Variants in BCAT1 observed in about 807,000 individuals in gnomAD.
BCAT1 encodes the protein branched-chain-amino-acid aminotransferase, cytosolic.
In BCAT1, 48 loss-of-function variants were observed where a neutral mutation model predicts 52.4. The ratio of observed to expected loss-of-function variants is 0.92; its 90% CI spans 0.73 to 1.16. The LOEUF (loss-of-function observed/expected upper bound fraction) is 1.16. Ranked by LOEUF, BCAT1 falls within the 50% of genes most tolerant of loss-of-function variation. The pLI is 0.00. For missense variants in BCAT1, 451 were observed against 457.1 expected (o/e 0.99, Z 0.12); for synonymous variants, 167 against 161.3 (o/e 1.04, Z -0.27).
chr12:24,843,827 C>A (rs1941251326), intron 6 of BCAT1, among the ~76,000 whole-genome samples: 1 of 152,130 alleles, frequency 6.6e-6, no homozygotes. Context: ...AAGACAGTCA[C>A]ATGATTCCTT....
intron 1 of BCAT1, among the ~76,000 whole-genome samples, chr12:24,926,131 G>A (rs547524031): frequency 2.2e-4 from 33 of 150,774 alleles, no homozygotes; most frequent in South Asian, 1.3e-3. Context: ...CTGCCATCCC[G>A]TCTAGGAAGT....
At chr12:24,937,418 G>A (rs899946792) in intron 1 of BCAT1, among the ~76,000 whole-genome samples, 4 of 152,232 alleles carry the variant, frequency 2.6e-5, no homozygotes, top group Non-Finnish European at 5.9e-5. Context: ...AACTTCTGGA[G>A]CATGGTGGGG....
At chr12:24,848,931 G>A (rs1319363481) in intron 6 of BCAT1, among the ~76,000 whole-genome samples, 2 of 152,186 alleles carry the variant, frequency 1.3e-5, no homozygotes, top group East Asian at 3.9e-4. Context: ...CAAGACTACA[G>A]AGGGGTCAAA....
At chr12:24,837,035 A>G (rs1211682111) in intron 7 of BCAT1, among the ~76,000 whole-genome samples, 1 of 143,582 alleles carries the variant, frequency 7.0e-6, no homozygotes, top group African/African-American at 2.6e-5. Context: ...AAAGAAAGAA[A>G]GAAAAAAGAA....
At chr12:24,904,937 T>C (rs1225469743) in intron 1 of BCAT1, among the ~76,000 whole-genome samples, 1 of 152,232 alleles carries the variant, frequency 6.6e-6, no homozygotes, top group African/African-American at 2.4e-5. Flanking sequence ...ATGGATTGTA[T>C]TGACTCAGAA....
intron 1 of BCAT1, chr12:24,902,118 C>T (rs1806017670): frequency 1.4e-6 from 2 of 1,463,064 alleles, no homozygotes; most frequent in Non-Finnish European, 1.8e-6. Flanking sequence ...TTGTCCTCCT[C>T]CGCCGGCTCA....
At chr12:24,861,542 C>A (rs1394035336) in intron 5 of BCAT1, among the ~76,000 whole-genome samples, 2 of 152,246 alleles carry the variant, frequency 1.3e-5, no homozygotes, top group African/African-American at 2.4e-5. Context: ...TGCTTTCTCA[C>A]TGAGCTCCTC....
Position 24,912,178 on chromosome 12 carries a change from C to A in BCAT1, c.7-10293G>T, listed in dbSNP as rs567024897. Among the ~76,000 whole-genome samples the A allele has an allele frequency of 5.3e-5, 8 of 152,160 alleles. No homozygotes were observed. In the South Asian group the frequency reaches 1.7e-3, roughly 32 times the overall value. On this transcript the variant is annotated intron_variant, in intron 1 of 10. Transcript: ENST00000261192. ...TATAGTAGAATCCACAACATATGCT[C>A]ACGAAAATAAACCAGTTCTAGTAAA...
In BCAT1 at chr12:24,911,099, TA is replaced by T. The variant is rs752444346; in HGVS notation, c.7-9215del. Among the ~76,000 whole-genome samples, 567 of 140,454 alleles carry T rather than the reference TA, an allele frequency of 4.0e-3. 2 individuals are homozygous for T. Among genetic ancestry groups the T allele is most frequent in the African/African-American group, 8.0e-3 (308 of 38,414 alleles). 92.1% of individuals were successfully genotyped at this position (140,454 alleles called of 152,430 possible). A position where few individuals can be genotyped will look rare whatever the true frequency, so the allele number is the denominator to read the frequency against. ...GCCTGGTGACAGAGTGAGACTGTCTTAAAAAAAAAAAAAAATTGAAAAAATA... is the reference window on the plus strand; with the variant it reads ...GCCTGGTGACAGAGTGAGACTGTCTTAAAAAAAAAAAAAATTGAAAAAATA... On this transcript the variant is annotated intron_variant, in intron 1 of 10. Transcript: ENST00000261192.
chr12:24,894,553 A>G (rs1942917501), intron 2 of BCAT1, 78 bp from the exon 3 acceptor site: 1 of 1,214,192 alleles, frequency 8.2e-7, no homozygotes, highest in Non-Finnish European at 1.1e-6. Context: ...GGGGAAAAAA[A>G]AAAAGGAAAT....
intron 2 of BCAT1, among the ~76,000 whole-genome samples, chr12:24,897,740 G>A (rs1942992483): frequency 6.6e-6 from 1 of 152,158 alleles, no homozygotes; most frequent in South Asian, 2.1e-4. Flanking sequence ...TTTTGGTAGA[G>A]ATGGGGTTTC....
intron 8 of BCAT1, among the ~76,000 whole-genome samples, chr12:24,835,650 T>C (rs1015520955): frequency 2.0e-5 from 3 of 152,010 alleles, no homozygotes; most frequent in African/African-American, 7.2e-5. Flanking sequence ...TGCAGTGGCT[T>C]GATCATAGCT....
intron 1 of BCAT1, among the ~76,000 whole-genome samples, chr12:24,939,028 C>T (rs564856680): frequency 1.1e-3 from 163 of 152,234 alleles, no homozygotes; most frequent in African/African-American, 3.7e-3. Context: ...TGCATGCCAC[C>T]ACACCCAGCT....
chr12:24,859,699 T>A (rs1392756256), intron 5 of BCAT1, among the ~76,000 whole-genome samples: 1 of 151,984 alleles, frequency 6.6e-6, no homozygotes, highest in East Asian at 1.9e-4. Flanking sequence ...GACTTTACAG[T>A]GACCTGGGAT....
rs777323472 is a variant in BCAT1 at position 24,812,745 on chromosome 12, C to T, written c.*5263G>A. The stretch of plus-strand genomic sequence containing the variant: ...CCACTTATTCTTCCTCTGATATCAT[C>T]TTTCATTAAATTTTTCTCCAGAATC... On this transcript the variant is annotated 3_prime_UTR_variant, in exon 11 of 11. Transcript: ENST00000261192. The T allele has an allele frequency of 2.6e-5, 4 of 151,976 alleles. No individual in the cohort carries two copies. The highest frequency in any genetic ancestry group is 5.9e-5 in the Non-Finnish European group (4 of 67,878). 9.4% of individuals were successfully genotyped at this position (151,976 alleles called of 1,614,324 possible).
chr12:24,828,486 T>C (rs1000702576), intron 10 of BCAT1, among the ~76,000 whole-genome samples: 5 of 152,182 alleles, frequency 3.3e-5, no homozygotes, highest in South Asian at 2.1e-4. Flanking sequence ...GAGGATGTAC[T>C]GTCCATACTA....
In BCAT1 at chr12:24,817,900, A is replaced by T; in HGVS notation, c.*108T>A. On this transcript the variant is annotated 3_prime_UTR_variant, in exon 11 of 11. Transcript: ENST00000261192. ...GTAACACATTGATACTACAAACTAC[A>T]TTATGCACAGGTAGCCAAAGAAATC... 2 of 1,166,586 alleles carry T rather than the reference A, an allele frequency of 1.7e-6. No homozygotes were observed. The highest frequency in any genetic ancestry group is 2.5e-6 in the Non-Finnish European group (2 of 790,914). The allele number at this position is 1,166,586 out of a possible 1,614,324, so 72.3% of individuals were successfully genotyped here.
At chr12:24,897,158 G>C (rs1171850349) in intron 2 of BCAT1, among the ~76,000 whole-genome samples, 1 of 152,174 alleles carries the variant, frequency 6.6e-6, no homozygotes, top group Non-Finnish European at 1.5e-5. Context: ...AGTAAAAGGG[G>C]AAGGGTAGTA....
intron 1 of BCAT1, among the ~76,000 whole-genome samples, chr12:24,932,675 C>T (rs564137674): frequency 1.3e-4 from 20 of 152,220 alleles, no homozygotes; most frequent in African/African-American, 4.8e-4. Flanking sequence ...CTCCTTCTAT[C>T]GCACAGGCTG....
Sources: allele counts gnomAD v4.1 joint callset (sites outside exome capture counted in the v4.1 genomes callset), GRCh38; gene constraint gnomAD v4.1.1; transcripts MANE v1.5; gene names NCBI Gene and HGNC (gene_info 2026-07-23, HGNC 2026-07-21).